The following NBEA variants were observed in gnomAD, a reference collection of about 807,000 sequenced individuals.
NBEA encodes lysosomal-trafficking regulator 2.
A neutral mutation model predicts 343.4 loss-of-function variants in NBEA; 44 were observed. The ratio of observed to expected loss-of-function variants is 0.13; its 90% CI spans 0.10 to 0.16. The LOEUF (loss-of-function observed/expected upper bound fraction) is 0.16. Ranked by LOEUF, NBEA falls within the 10% of genes least tolerant of loss-of-function variation. NBEA has a pLI of 1.00. For synonymous variants in NBEA, 1,175 were observed against 1,238.7 expected, an observed-to-expected ratio of 0.95 and a Z score of 1.08; for missense variants, 2,555 against 3,631.3, an observed-to-expected ratio of 0.70 and a Z score of 7.62.
At chr13:35,091,919 A>G (rs1255284632) in intron 10 of NBEA, among the ~76,000 whole-genome samples, 1 of 152,014 alleles carries the variant, frequency 6.6e-6, no homozygotes, top group African/African-American at 2.4e-5. Context: ...TAATGTAGAC[A>G]AGATGAGTCT....
Position 35,633,016 on chromosome 13 carries a change from G to GAAA in NBEA, c.7617+4783_7617+4785dup, listed in dbSNP as rs35343385. On this transcript the variant is annotated intron_variant, in intron 49 of 58. Coordinates refer to ENST00000379939, the MANE Select transcript of NBEA (RefSeq NM_001385012.1). ...GCTTCAATGAAGCAAGTCTTATTTT[G>GAAA]AAAAAAAAAAAAAAAAATTATCTGG... is the stretch of plus-strand genomic sequence containing the variant. Among the ~76,000 whole-genome samples the GAAA allele has an allele frequency of 5.1e-3, 596 of 117,362 alleles. 7 individuals carry two copies. Among genetic ancestry groups the GAAA allele is most frequent in the African/African-American group, 0.015 (488 of 31,856 alleles). The allele number at this position is 117,362 out of a possible 152,430, so 77.0% of individuals were successfully genotyped here.
intron 1 of NBEA, among the ~76,000 whole-genome samples, chr13:35,005,146 G>A (rs1482416160): frequency 6.6e-6 from 1 of 151,872 alleles, no homozygotes; most frequent in East Asian, 1.9e-4. Context: ...ATTTGTTCTG[G>A]ACTATCTTTT....
chr13:34,969,787 A>G (rs2059943056), intron 1 of NBEA, among the ~76,000 whole-genome samples: 1 of 151,020 alleles, frequency 6.6e-6, no homozygotes, highest in Non-Finnish European at 1.5e-5. Context: ...TTTTTTATCC[A>G]GTCTATCATT....
In NBEA at chr13:35,668,493, A is replaced by C; in HGVS notation, c.8787A>C (p.Arg2929Ser). The C allele has an allele frequency of 6.2e-7, 1 of 1,610,582 alleles. No individual in the cohort carries two copies. Among genetic ancestry groups the C allele is most frequent in the Non-Finnish European group, 8.5e-7 (1 of 1,178,522 alleles). ...ACCCTGGATGTGATGCTGGCATTAG[A>C]GCAATGGACTTGTCCCATGACCAGA... The part of the protein sequence containing the change: ...YIYPGCDAGI[R>S]AMDLSHDQRT... The change falls in exon 58 of 59, where the codon AGA becomes AGC. Residue 2929 changes from arginine (R) to serine (S), a missense_variant. Arg to Ser is a moderately radical substitution (Grantham distance 110). This residue lies in a region of NBEA where 186 missense variants were observed against 328.9 expected (regional missense o/e 0.57). Coordinates refer to ENST00000379939, the MANE Select transcript of NBEA (RefSeq NM_001385012.1).
At chr13:35,088,657 C>T (rs925518589) in intron 10 of NBEA, among the ~76,000 whole-genome samples, 1 of 151,810 alleles carries the variant, frequency 6.6e-6, no homozygotes, top group Non-Finnish European at 1.5e-5. Flanking sequence ...AGTATACAAA[C>T]TTTTTTTAAA....
intron 34 of NBEA, among the ~76,000 whole-genome samples, chr13:35,284,356 T>C (rs1257147757): frequency 6.6e-6 from 1 of 152,160 alleles, no homozygotes; most frequent in Non-Finnish European, 1.5e-5. Context: ...TTACAGTATT[T>C]TGCAGGGTTT....
intron 17 of NBEA, among the ~76,000 whole-genome samples, chr13:35,126,131 C>A (rs1414622364): frequency 1.3e-5 from 2 of 152,160 alleles, no homozygotes; most frequent in African/African-American, 4.8e-5. Flanking sequence ...GGGGCAGTTC[C>A]CCCCTGCTGT....
chr13:35,295,982 T>C (rs2036101891), intron 35 of NBEA, among the ~76,000 whole-genome samples: 1 of 152,192 alleles, frequency 6.6e-6, no homozygotes, highest in South Asian at 2.1e-4. Context: ...CTGTGATACA[T>C]ACAATACTCA....
At chr13:35,011,910 T>G (rs2061503575) in intron 1 of NBEA, among the ~76,000 whole-genome samples, 2 of 152,228 alleles carry the variant, frequency 1.3e-5, no homozygotes, top group Admixed American at 1.3e-4. Flanking sequence ...TTTTTAATTT[T>G]TAATACAGTA....
intron 1 of NBEA, among the ~76,000 whole-genome samples, chr13:34,960,063 G>T (rs2059612129): frequency 6.6e-6 from 1 of 152,076 alleles, no homozygotes; most frequent in African/African-American, 2.4e-5. Flanking sequence ...AGAAGGCATT[G>T]TTATGATAAG....
intron 39 of NBEA, among the ~76,000 whole-genome samples, chr13:35,434,099 A>G (rs910831577): frequency 1.3e-5 from 2 of 152,070 alleles, no homozygotes; most frequent in African/African-American, 4.8e-5. Context: ...TTTTTTTAGA[A>G]AAATGTTTGT....
In NBEA at chr13:35,101,761, G is replaced by C. The variant is rs74051254; in HGVS notation, c.1680+3356G>C. Among the ~76,000 whole-genome samples, 1,471 of 151,412 alleles carry C rather than the reference G, an allele frequency of 9.7e-3. 20 individuals carry two copies. The highest frequency in any genetic ancestry group is 0.034 in the African/African-American group (1,418 of 41,402). ...TCTTTAGAGTGCCAATTTTCATTTG[G>C]GTTGTCTGTCATTTTGTTACTGATT... On this transcript the variant is annotated intron_variant, in intron 11 of 58. Transcript: ENST00000379939.
At chr13:35,105,498 GA>G (rs1185924469) in intron 11 of NBEA, among the ~76,000 whole-genome samples, 2 of 152,056 alleles carry the variant, frequency 1.3e-5, no homozygotes, top group Non-Finnish European at 2.9e-5. Flanking sequence ...AAGGCTGCCA[GA>G]GAGAATTGGC....
chr13:35,380,093 C>A (rs1001502343), intron 38 of NBEA, among the ~76,000 whole-genome samples: 10 of 152,130 alleles, frequency 6.6e-5, no homozygotes, highest in African/African-American at 2.4e-4. Context: ...ATGCAAATGG[C>A]ATCATTTATT....
intron 1 of NBEA, among the ~76,000 whole-genome samples, chr13:35,027,146 C>T (rs2062044288): frequency 6.6e-6 from 1 of 151,880 alleles, no homozygotes. Flanking sequence ...TAGCCATGTA[C>T]TTTTTGGGAG....
intron 40 of NBEA, among the ~76,000 whole-genome samples, chr13:35,454,714 G>A (rs1335750664): frequency 1.4e-4 from 21 of 151,962 alleles, no homozygotes; most frequent in Admixed American, 1.4e-3. Flanking sequence ...CAAAAAATTA[G>A]CCAGGCATGG....
intron 33 of NBEA, among the ~76,000 whole-genome samples, chr13:35,219,314 G>T (rs189286546): frequency 6.6e-6 from 1 of 152,000 alleles, no homozygotes; most frequent in African/African-American, 2.4e-5. Context: ...AACAAGAAAC[G>T]GTTAAGTTGA....
At chr13:35,322,274 G>A (rs944205958) in intron 36 of NBEA, among the ~76,000 whole-genome samples, 11 of 152,192 alleles carry the variant, frequency 7.2e-5, no homozygotes, top group African/African-American at 2.7e-4. Context: ...AAACACTGTG[G>A]GAAAAGTGTA....
chr13:35,323,232 A>G (rs559961408), intron 36 of NBEA, among the ~76,000 whole-genome samples: 12 of 152,294 alleles, frequency 7.9e-5, no homozygotes, highest in African/African-American at 2.6e-4. Context: ...CCAAAGGACT[A>G]TAAATCATGC....
Sources: gnomAD v4.1 joint callset for allele counts (sites outside exome capture counted in the v4.1 genomes callset) on GRCh38, gnomAD v4.1.1 for gene constraint, gnomAD v4.1.1 regional missense constraint, MANE v1.5 for transcripts, NCBI Gene and HGNC (gene_info 2026-07-23, HGNC 2026-07-21) for gene names.